STXBP5L: variants seen among roughly 807,000 people sequenced by gnomAD.
STXBP5L encodes syntaxin-binding protein 5-like.
STXBP5L carries 65 observed loss-of-function variants against 144.5 expected under a neutral mutation model. That is an observed-to-expected ratio of 0.45 (90% CI 0.37 to 0.55). The LOEUF (loss-of-function observed/expected upper bound fraction) is 0.55, where lower values mean the gene tolerates loss of function less well. Ranked by LOEUF, STXBP5L falls within the 20% of genes least tolerant of loss-of-function variation. The pLI is 0.00. For missense variants in STXBP5L, 1,298 were observed against 1,405.5 expected (o/e 0.92, Z 1.22); for synonymous variants, 505 against 469.6 (o/e 1.08, Z -0.97).
At chr3:121,018,404 C>A (rs184432575) in intron 3 of STXBP5L, among the ~76,000 whole-genome samples, 1 of 150,110 alleles carries the variant, frequency 6.7e-6, no homozygotes, top group Non-Finnish European at 1.5e-5. Flanking sequence ...TAGGTAACAC[C>A]AAAATAGATC....
At chr3:121,344,035 T>C (rs978424274) in intron 20 of STXBP5L, among the ~76,000 whole-genome samples, 4 of 152,058 alleles carry the variant, frequency 2.6e-5, no homozygotes, top group Non-Finnish European at 5.9e-5. Context: ...AGCATGGTAC[T>C]GGTACCAAAA....
intron 5 of STXBP5L, among the ~76,000 whole-genome samples, chr3:121,047,880 C>A (rs566925889): frequency 6.6e-5 from 10 of 152,062 alleles, no homozygotes; most frequent in Non-Finnish European, 1.0e-4. Flanking sequence ...TGGATTTGAT[C>A]CTTTCATCAT....
At chr3:120,983,260 G>A (rs1050182356) in intron 3 of STXBP5L, among the ~76,000 whole-genome samples, 1 of 151,896 alleles carries the variant, frequency 6.6e-6, no homozygotes, top group South Asian at 2.1e-4. Flanking sequence ...ATGCTCAGAT[G>A]GGGGCAGGGT....
At chr3:120,964,292 T>C (rs1939273597) in intron 3 of STXBP5L, among the ~76,000 whole-genome samples, 1 of 152,212 alleles carries the variant, frequency 6.6e-6, no homozygotes, top group Non-Finnish European at 1.5e-5. Flanking sequence ...GCTCTGATCT[T>C]AGTTATTTCT....
chr3:121,151,549 A>C (rs2045932087), intron 7 of STXBP5L, among the ~76,000 whole-genome samples: 1 of 152,046 alleles, frequency 6.6e-6, no homozygotes, highest in South Asian at 2.1e-4. Flanking sequence ...CCACCACTAT[A>C]TTTTCTGTTC....
intron 20 of STXBP5L, among the ~76,000 whole-genome samples, chr3:121,329,539 T>C (rs2044255149): frequency 1.3e-5 from 2 of 152,178 alleles, no homozygotes; most frequent in Non-Finnish European, 2.9e-5. Flanking sequence ...GGTTCTATCA[T>C]GGAAATACTC....
intron 20 of STXBP5L, among the ~76,000 whole-genome samples, chr3:121,367,326 G>A (rs1576297764): frequency 6.6e-6 from 1 of 152,042 alleles, no homozygotes; most frequent in South Asian, 2.1e-4. Context: ...GGATCTGGTG[G>A]TAACAATCTC....
At chr3:121,039,378 C>T (rs2107541452) in intron 3 of STXBP5L, among the ~76,000 whole-genome samples, 1 of 151,382 alleles carries the variant, frequency 6.6e-6, no homozygotes, top group East Asian at 1.9e-4. Context: ...TTCTATTTCC[C>T]CTCCTATTGG....
chr3:121,128,774 TAA>T (rs1357765948), intron 7 of STXBP5L, among the ~76,000 whole-genome samples: 2 of 151,908 alleles, frequency 1.3e-5, no homozygotes, highest in Non-Finnish European at 2.9e-5. Flanking sequence ...AGAAAAAAAT[TAA>T]GAGTAGTTTA....
chr3:121,000,594 A>T (rs1943692883), intron 3 of STXBP5L, among the ~76,000 whole-genome samples: 1 of 152,156 alleles, frequency 6.6e-6, no homozygotes, highest in Admixed American at 6.5e-5. Context: ...TGCCATCCAG[A>T]TCCTGAATTC....
At chr3:121,171,159 C>T (rs546498250) in intron 9 of STXBP5L, among the ~76,000 whole-genome samples, 9 of 152,124 alleles carry the variant, frequency 5.9e-5, no homozygotes, top group African/African-American at 2.2e-4. Flanking sequence ...AAATTCAACA[C>T]CCCTTCATGC....
rs142947092 is a variant in STXBP5L at position 121,140,472 on chromosome 3, A to G, written c.670-12005A>G. Among the ~76,000 whole-genome samples, 12 of 152,326 alleles carry G rather than the reference A, an allele frequency of 7.9e-5. No homozygotes were observed. The East Asian group carries it at 2.3e-3, about 29-fold the overall frequency. The stretch of plus-strand genomic sequence containing the variant: ...CACAACATTATTCACAATGGCCAAG[A>G]TATGGAATCAATGTAATTATCCATC... On this transcript the variant is annotated intron_variant, in intron 7 of 26. Coordinates refer to ENST00000471454, the MANE Select transcript of STXBP5L (RefSeq NM_001308330.2).
At chr3:121,341,327 G>T (rs1288033339) in intron 20 of STXBP5L, among the ~76,000 whole-genome samples, 3 of 152,130 alleles carry the variant, frequency 2.0e-5, no homozygotes, top group Non-Finnish European at 1.5e-5. Flanking sequence ...ACTACAGTGA[G>T]GTATTATCTC....
chr3:121,313,925 C>T (rs950383823), intron 19 of STXBP5L, among the ~76,000 whole-genome samples: 18 of 148,632 alleles, frequency 1.2e-4, no homozygotes, highest in East Asian at 4.2e-4. Flanking sequence ...GACAGGGTTG[C>T]GGCCCAGCAG....
At chr3:121,052,084 A>G (rs1576787230) in intron 5 of STXBP5L, among the ~76,000 whole-genome samples, 1 of 152,194 alleles carries the variant, frequency 6.6e-6, no homozygotes, top group Non-Finnish European at 1.5e-5. Context: ...TTGTGGCAAT[A>G]ATCAATAGCT....
intron 20 of STXBP5L, among the ~76,000 whole-genome samples, chr3:121,350,898 G>T (rs1172324416): frequency 6.6e-6 from 1 of 152,038 alleles, no homozygotes; most frequent in Admixed American, 6.6e-5. Context: ...TTTGCCATGG[G>T]TTTGAACTTC....
intron 10 of STXBP5L, among the ~76,000 whole-genome samples, chr3:121,221,527 CT>C (rs1249465725): frequency 1.3e-5 from 2 of 151,200 alleles, no homozygotes; most frequent in African/African-American, 4.8e-5. Context: ...AAGTCGTGGC[CT>C]TTTTTTGCAA....
chr3:121,350,815 T>A (rs2045249044), intron 20 of STXBP5L, among the ~76,000 whole-genome samples: 1 of 152,134 alleles, frequency 6.6e-6, no homozygotes, highest in Non-Finnish European at 1.5e-5. Context: ...CTCCATCAGG[T>A]CCTTTAAGGA....
intron 7 of STXBP5L, among the ~76,000 whole-genome samples, chr3:121,148,284 C>CA (rs1389024678): frequency 2.0e-5 from 3 of 151,966 alleles, no homozygotes; most frequent in Admixed American, 6.6e-5. Context: ...AGAGAAGGCA[C>CA]AAAAAATCAC....
Sources: allele counts gnomAD v4.1 joint callset (sites outside exome capture counted in the v4.1 genomes callset), GRCh38; gene constraint gnomAD v4.1.1; transcripts MANE v1.5; gene names NCBI Gene and HGNC (gene_info 2026-07-23, HGNC 2026-07-21).